AGBL4: variants seen among roughly 807,000 people sequenced by gnomAD.
The protein encoded by AGBL4 is AGBL carboxypeptidase 4, also known as cytosolic carboxypeptidase 6.
Under a neutral mutation model 66.4 loss-of-function variants are expected in AGBL4, and 58 were observed. That is an observed-to-expected ratio of 0.87 (90% confidence interval 0.71 to 1.09). The LOEUF is 1.09. Among genes scored for constraint, AGBL4 ranks in the 50% least tolerant of loss-of-function variants. AGBL4 has a pLI of 0.00. For synonymous variants in AGBL4, 234 were observed against 222.9 expected, an observed-to-expected ratio of 1.05 and a Z score of -0.44; for missense variants, 579 against 631.0, an observed-to-expected ratio of 0.92 and a Z score of 0.88.
chr1:48,654,714 C>G (rs1037634333), intron 7 of AGBL4, among the ~76,000 whole-genome samples: 1 of 152,228 alleles, frequency 6.6e-6, no homozygotes, highest in South Asian at 2.1e-4. Flanking sequence ...GGAATGATAA[C>G]TCGCTCCAGA....
intron 6 of AGBL4, among the ~76,000 whole-genome samples, chr1:48,750,473 T>C (rs1415228588): frequency 6.6e-6 from 1 of 152,068 alleles, no homozygotes; most frequent in East Asian, 1.9e-4. Context: ...CCCACAACTC[T>C]CCTACCCCAG....
intron 3 of AGBL4, among the ~76,000 whole-genome samples, chr1:49,492,774 G>A (rs1647223798): frequency 6.6e-6 from 1 of 151,938 alleles, no homozygotes; most frequent in Non-Finnish European, 1.5e-5. Flanking sequence ...AGAAACAGCA[G>A]AGCCCTGGTG....
intron 3 of AGBL4, among the ~76,000 whole-genome samples, chr1:49,460,402 A>G (rs1646486024): frequency 6.6e-6 from 1 of 151,684 alleles, no homozygotes; most frequent in African/African-American, 2.4e-5. Context: ...ATATAAGAAT[A>G]GCTATCCCTG....
At chr1:49,992,231 G>A (rs1005438531) in intron 1 of AGBL4, among the ~76,000 whole-genome samples, 1 of 152,076 alleles carries the variant, frequency 6.6e-6, no homozygotes, top group African/African-American at 2.4e-5. Context: ...AATTAGCCGG[G>A]CATGGTAGTG....
chr1:48,840,009 C>T (rs964002708), intron 6 of AGBL4, among the ~76,000 whole-genome samples: 4 of 152,124 alleles, frequency 2.6e-5, no homozygotes, highest in Non-Finnish European at 5.9e-5. Context: ...ATGGCTTTCA[C>T]TCCTGCTGAG....
chr1:48,689,320 C>T (rs1646587088), intron 6 of AGBL4, among the ~76,000 whole-genome samples: 1 of 152,058 alleles, frequency 6.6e-6, no homozygotes, highest in Non-Finnish European at 1.5e-5. Flanking sequence ...GGACTGGGCC[C>T]AGACAGCTGC....
At position 49,645,210 on chromosome 1, in the gene AGBL4, A is replaced by C. The variant is rs193135804; in HGVS notation, c.282+52103T>G. On this transcript the variant is annotated intron_variant, in intron 3 of 13. Transcript: ENST00000371839. Reference sequence around the variant, plus strand: ...GTAGAAAGAGGAGAACATTACACTCAATGTAAGTAGAAAGATCACAGATGA... The same window carrying C: ...GTAGAAAGAGGAGAACATTACACTCCATGTAAGTAGAAAGATCACAGATGA... 2.2e-3 allele frequency among the ~76,000 whole-genome samples: 328 copies of C among 151,662 alleles called. 2 individuals carry two copies. Among genetic ancestry groups the C allele is most frequent in the African/African-American group, 7.3e-3 (304 of 41,536 alleles).
chr1:49,935,582 C>T (rs1161738772), intron 1 of AGBL4, among the ~76,000 whole-genome samples: 2 of 152,076 alleles, frequency 1.3e-5, no homozygotes, highest in African/African-American at 2.4e-5. Context: ...TGGGAGGCAC[C>T]CCCCCAGTAG....
chr1:48,569,602 T>A (rs527820247), intron 11 of AGBL4, among the ~76,000 whole-genome samples: 6 of 152,262 alleles, frequency 3.9e-5, no homozygotes, highest in African/African-American at 1.4e-4. Flanking sequence ...TAGAACAAAT[T>A]GATGGGTCAC....
intron 1 of AGBL4, among the ~76,000 whole-genome samples, chr1:49,964,399 T>C (rs915044506): frequency 1.3e-5 from 2 of 152,128 alleles, no homozygotes; most frequent in East Asian, 3.9e-4. Flanking sequence ...TGTAAAAGCC[T>C]TAACGTAGTA....
intron 5 of AGBL4, among the ~76,000 whole-genome samples, chr1:49,044,488 T>G (rs1158267918): frequency 6.7e-6 from 1 of 150,342 alleles, no homozygotes; most frequent in Non-Finnish European, 1.5e-5. Flanking sequence ...AGAGCAAGAC[T>G]CCATCTCAAA....
intron 3 of AGBL4, among the ~76,000 whole-genome samples, chr1:49,615,317 T>C (rs1279977413): frequency 6.6e-6 from 1 of 152,064 alleles, no homozygotes; most frequent in Admixed American, 6.5e-5. Flanking sequence ...AAAGAGAATA[T>C]ACTTCAGGAC....
intron 1 of AGBL4, among the ~76,000 whole-genome samples, chr1:49,978,689 T>C (rs1456573276): frequency 6.6e-6 from 1 of 152,196 alleles, no homozygotes; most frequent in East Asian, 1.9e-4. Context: ...CCATTTTAGT[T>C]AAAATATACA....
At chr1:48,737,904 T>C (rs908094251) in intron 6 of AGBL4, among the ~76,000 whole-genome samples, 1 of 152,076 alleles carries the variant, frequency 6.6e-6, no homozygotes, top group African/African-American at 2.4e-5. Flanking sequence ...TGAGCTAAAC[T>C]TTCTAAGGGA....
At chr1:48,953,927 T>G (rs1373057027) in intron 5 of AGBL4, among the ~76,000 whole-genome samples, 1 of 152,176 alleles carries the variant, frequency 6.6e-6, no homozygotes, top group African/African-American at 2.4e-5. Flanking sequence ...AGTTCATCTA[T>G]CACCAAAGAT....
chr1:49,666,524 C>T (rs965698704), intron 3 of AGBL4, among the ~76,000 whole-genome samples: 2 of 151,540 alleles, frequency 1.3e-5, no homozygotes, highest in Non-Finnish European at 2.9e-5. Flanking sequence ...AGAGATTGCA[C>T]CACTGTACTA....
At chr1:49,750,377 G>C (rs1651354089) in intron 2 of AGBL4, among the ~76,000 whole-genome samples, 1 of 152,196 alleles carries the variant, frequency 6.6e-6, no homozygotes, top group South Asian at 2.1e-4. Context: ...GATTTTGTCA[G>C]GTTTGTCAAA....
intron 3 of AGBL4, among the ~76,000 whole-genome samples, chr1:49,395,533 A>AGTGTGTGTGTGTGTGT (rs149386987): frequency 1.6e-4 from 22 of 139,356 alleles, no homozygotes; most frequent in African/African-American, 5.6e-4. Context: ...GCCAAACACT[A>AGTGTGTGTGTGTGTGT]GTGTGTGTGT....
At chr1:49,436,230 T>G (rs1645899881) in intron 3 of AGBL4, among the ~76,000 whole-genome samples, 1 of 151,726 alleles carries the variant, frequency 6.6e-6, no homozygotes, top group Non-Finnish European at 1.5e-5. Context: ...TGAAAGAGAG[T>G]GGTCATCTAG....
Sources: allele counts gnomAD v4.1 joint callset (sites outside exome capture counted in the v4.1 genomes callset), GRCh38; gene constraint gnomAD v4.1.1; transcripts MANE v1.5; gene names NCBI Gene and HGNC (gene_info 2026-07-23, HGNC 2026-07-21).